The following TMEM131 variants were observed in gnomAD, a reference collection of about 807,000 sequenced individuals.
TMEM131 encodes the protein transmembrane protein 131.
Under a neutral mutation model 211.6 loss-of-function variants are expected in TMEM131, and 66 were observed. That is an observed-to-expected ratio of 0.31 (90% CI 0.26 to 0.38). The LOEUF (loss-of-function observed/expected upper bound fraction) is 0.38, where lower values mean the gene tolerates loss of function less well. Ranked by LOEUF, TMEM131 falls within the 10% of genes least tolerant of loss-of-function variation. The pLI, the probability that TMEM131 is intolerant of heterozygous loss-of-function variation, is 1.00. For synonymous variants in TMEM131, 844 were observed against 841.3 expected (o/e 1.00, Z -0.06); for missense variants, 2,036 against 2,299.3 (o/e 0.89, Z 2.34).
intron 1 of TMEM131, among the ~76,000 whole-genome samples, chr2:97,973,176 A>G (rs1459391365): frequency 6.6e-6 from 1 of 152,236 alleles, no homozygotes; most frequent in African/African-American, 2.4e-5. Context: ...TTTCTGTACC[A>G]AGAGGTTTAG....
At chr2:97,799,912 CT>C (rs1456389256) in intron 25 of TMEM131, among the ~76,000 whole-genome samples, 1 of 151,868 alleles carries the variant, frequency 6.6e-6, no homozygotes, top group Non-Finnish European at 1.5e-5. Context: ...ATCTACCTGT[CT>C]ATTAAGTCAG....
chr2:97,842,202 A>G (rs971448991), intron 6 of TMEM131, among the ~76,000 whole-genome samples: 3 of 152,186 alleles, frequency 2.0e-5, no homozygotes, highest in African/African-American at 7.2e-5. Flanking sequence ...TGCAATAGAC[A>G]AAAGAAGAAA....
At chr2:97,895,416 T>C (rs1460039635) in intron 3 of TMEM131, among the ~76,000 whole-genome samples, 2 of 152,194 alleles carry the variant, frequency 1.3e-5, no homozygotes, top group Non-Finnish European at 2.9e-5. Flanking sequence ...TCTTTTTCTA[T>C]TGATTGGAAT....
chr2:97,760,405 G>C, intron 38 of TMEM131, 188 bp downstream of exon 38: 1 of 614,044 alleles, frequency 1.6e-6, no homozygotes, highest in Admixed American at 2.9e-5. Flanking sequence ...CCCTGGGGAA[G>C]GCACCGCAGC....
chr2:97,923,627 TTAAAAAAAAAA>T (rs1328887261), intron 2 of TMEM131, among the ~76,000 whole-genome samples: 1 of 99,684 alleles, frequency 1.0e-5, no homozygotes, highest in Non-Finnish European at 1.9e-5. Flanking sequence ...GTCTTTTTTT[TTAAAAAAAAAA>T]AAAAAAAAAA....
chr2:97,894,429 T>C (rs762674212), intron 3 of TMEM131, among the ~76,000 whole-genome samples: 39 of 152,318 alleles, frequency 2.6e-4, no homozygotes, highest in Middle Eastern at 3.4e-3. Context: ...AAGTCAATAG[T>C]AGCTTGATGG....
At position 97,814,061 on chromosome 2, in the gene TMEM131, T is replaced by C. The variant is rs540485638; in HGVS notation, c.1527A>G (p.Thr509=). 4.4e-6 allele frequency: 7 copies of C among 1,603,044 alleles called. No homozygotes were observed. In the African/African-American group the frequency reaches 9.3e-5, roughly 21 times the overall value. ...YIFTLLFMPS[T]SSMHIDNNIL... ...TGTTGTTATCAATGTGCATGGATGA[T>C]GTGGAAGGCATAAAAAGCAGGGTAA... Residue 509 remains threonine (T), a synonymous_variant, in exon 15 of 41, where the codon ACA becomes ACG. Transcript: ENST00000186436.
Position 97,757,138 on chromosome 2 carries a change from C to T in TMEM131, c.5613G>A (p.Ser1871=), listed in dbSNP as rs1449122058. ...GAAAGTGCGAATTAGACCAAGGGTCCGAGCTTCTTCTTCCAATCGTGGGGC... is the reference window on the plus strand; with the variant it reads ...GAAAGTGCGAATTAGACCAAGGGTCTGAGCTTCTTCTTCCAATCGTGGGGC... ...IWSPTIGRRS[S]DPWSNSHFPH... Residue 1871 remains serine, a synonymous_variant, in exon 41 of 41, where the codon TCG becomes TCA. Transcript: ENST00000186436. The T allele has an allele frequency of 9.3e-6, 15 of 1,612,116 alleles. No individual in the cohort carries two copies. Among genetic ancestry groups the T allele is most frequent in the Admixed American group, 3.3e-5 (2 of 59,872 alleles).
chr2:97,954,491 A>G (rs981979632), intron 1 of TMEM131, among the ~76,000 whole-genome samples: 6 of 152,226 alleles, frequency 3.9e-5, no homozygotes, highest in Non-Finnish European at 7.3e-5. Context: ...CATAACCATT[A>G]AAGACAGTGA....
chr2:97,850,601 C>T (rs560298093), intron 5 of TMEM131, among the ~76,000 whole-genome samples: 13 of 151,952 alleles, frequency 8.6e-5, no homozygotes, highest in Non-Finnish European at 1.8e-4. Context: ...AAACATTTAC[C>T]TATGTAACGA....
chr2:97,948,103 T>A (rs1436905971), intron 1 of TMEM131, among the ~76,000 whole-genome samples: 1 of 152,112 alleles, frequency 6.6e-6, no homozygotes, highest in Non-Finnish European at 1.5e-5. Context: ...ACGGGAAAAT[T>A]TTAGTGATCT....
At position 97,841,799 on chromosome 2, in the gene TMEM131, A is replaced by G. The variant is rs368737577; in HGVS notation, c.723+16T>C. ...ACCAAAATGAAGCTTATTCAAAATTACCATCATAAACTCACCTGTAAAGGC... is the reference window on the plus strand; with the variant it reads ...ACCAAAATGAAGCTTATTCAAAATTGCCATCATAAACTCACCTGTAAAGGC... On this transcript the variant is annotated intron_variant, in intron 7 of 40. Coordinates refer to ENST00000186436, the MANE Select transcript of TMEM131 (RefSeq NM_015348.2). 9.7e-5 allele frequency: 150 copies of G among 1,549,970 alleles called. No individual in the cohort carries two copies. The Middle Eastern group carries it at 1.5e-3, about 16-fold the overall frequency.
intron 1 of TMEM131, among the ~76,000 whole-genome samples, chr2:97,930,489 A>G (rs1176561413): frequency 6.6e-6 from 1 of 151,900 alleles, no homozygotes; most frequent in African/African-American, 2.4e-5. Context: ...AAAAAAATTA[A>G]TAACAGCAGC....
intron 4 of TMEM131, among the ~76,000 whole-genome samples, chr2:97,884,713 T>C (rs1017423277): frequency 6.6e-6 from 1 of 152,254 alleles, no homozygotes; most frequent in African/African-American, 2.4e-5. Context: ...TGATGTCTGT[T>C]TGGCCTTATG....
intron 5 of TMEM131, among the ~76,000 whole-genome samples, chr2:97,845,696 C>G (rs1683392895): frequency 6.9e-6 from 1 of 144,408 alleles, no homozygotes; most frequent in Non-Finnish European, 1.5e-5. Flanking sequence ...AAATTAAACC[C>G]AGAGTAAGCA....
intron 1 of TMEM131, among the ~76,000 whole-genome samples, chr2:97,987,473 A>C (rs190638980): frequency 3.9e-4 from 59 of 152,316 alleles, no homozygotes; most frequent in Admixed American, 2.5e-3. Flanking sequence ...ACTGTACTCC[A>C]GCCTGGCAAC....
chr2:97,912,097 G>A (rs771495151), intron 2 of TMEM131, among the ~76,000 whole-genome samples: 2 of 151,992 alleles, frequency 1.3e-5, no homozygotes, highest in Non-Finnish European at 2.9e-5. Flanking sequence ...AAATGTCAAA[G>A]GTCAGAGAAT....
At chr2:97,964,574 T>A (rs1188602284) in intron 1 of TMEM131, among the ~76,000 whole-genome samples, 2 of 152,214 alleles carry the variant, frequency 1.3e-5, no homozygotes, top group Admixed American at 6.5e-5. Context: ...ATTTGAAATA[T>A]ACGTCCTTGA....
rs1679584961 is a variant in TMEM131, at chr2:97,773,868, G to T, written c.4321-1444C>A. On this transcript the variant is annotated intron_variant, in intron 32 of 40. Transcript: ENST00000186436. Reference sequence around the variant, plus strand: ...TGGGGAGCTGCATGTGGAGTGGGCTGTGTACTAAAAGCAACCTGGTTCTTT... The same window carrying T: ...TGGGGAGCTGCATGTGGAGTGGGCTTTGTACTAAAAGCAACCTGGTTCTTT... Among the ~76,000 whole-genome samples the T allele has an allele frequency of 1.3e-5, 2 of 152,202 alleles. 1 individual carries two copies. Among genetic ancestry groups the T allele is most frequent in the Admixed American group, 1.3e-4 (2 of 15,276 alleles).
Sources: gnomAD v4.1 joint callset for allele counts (sites outside exome capture counted in the v4.1 genomes callset) on GRCh38, gnomAD v4.1.1 for gene constraint, MANE v1.5 for transcripts, NCBI Gene and HGNC (gene_info 2026-07-23, HGNC 2026-07-21) for gene names.